The following MED13 variants were observed in gnomAD, a reference collection of about 807,000 sequenced individuals.
MED13 encodes the protein mediator of RNA polymerase II transcription subunit 13.
Under a neutral mutation model 225.2 loss-of-function variants are expected in MED13, and 23 were observed. The observed-to-expected ratio is 0.10, with a 90% CI of 0.07 to 0.14. The LOEUF is 0.14. MED13 is among the 10% of genes least tolerant of loss of function. The pLI is 1.00. For missense variants in MED13, 2,197 were observed against 2,594.5 expected, an observed-to-expected ratio of 0.85 and a Z score of 3.33; for synonymous variants, 942 against 889.2, an observed-to-expected ratio of 1.06 and a Z score of -1.06.
intron 3 of MED13, among the ~76,000 whole-genome samples, chr17:62,050,026 G>GT (rs1379387592): frequency 6.7e-6 from 1 of 150,306 alleles, no homozygotes; most frequent in Non-Finnish European, 1.5e-5. Context: ...AACAAATATT[G>GT]TTTTTACCAA....
At chr17:61,948,428 T>C (rs1303149680) in intron 28 of MED13, among the ~76,000 whole-genome samples, 4 of 152,180 alleles carry the variant, frequency 2.6e-5, no homozygotes, top group African/African-American at 7.2e-5. Flanking sequence ...AACACTAAGA[T>C]AATAAACTAT....
At chr17:61,984,566 TA>T in intron 14 of MED13, 84 bp downstream of exon 14, 1 of 1,255,114 alleles carries the variant, frequency 8.0e-7, no homozygotes, top group Non-Finnish European at 1.1e-6. Context: ...GCAACCACTA[TA>T]AAATAATTTT....
At chr17:61,992,445 A>G in intron 11 of MED13, 95 bp downstream of exon 11, 1 of 715,458 alleles carries the variant, frequency 1.4e-6, no homozygotes, top group Non-Finnish European at 2.4e-6. Flanking sequence ...ATAATGAATT[A>G]TACAAAAAGG....
chr17:62,038,253 G>C (rs983375100), intron 3 of MED13, among the ~76,000 whole-genome samples: 3 of 151,970 alleles, frequency 2.0e-5, no homozygotes, highest in African/African-American at 7.2e-5. Flanking sequence ...AATTAGCTAG[G>C]TGGGGTGTGG....
chr17:62,041,593 T>C (rs1243588952), intron 3 of MED13, among the ~76,000 whole-genome samples: 3 of 152,146 alleles, frequency 2.0e-5, no homozygotes, highest in Non-Finnish European at 4.4e-5. Context: ...TTTTTTTCCT[T>C]TGAGACAGGG....
chr17:62,023,136 G>T (rs948737950), intron 8 of MED13, among the ~76,000 whole-genome samples: 1 of 151,996 alleles, frequency 6.6e-6, no homozygotes, highest in Non-Finnish European at 1.5e-5. Context: ...ATGGTCAAGG[G>T]GAACTTAGGC....
intron 22 of MED13, 140 bp from the exon 23 acceptor site, chr17:61,961,230 A>G: frequency 1.3e-6 from 1 of 796,518 alleles, no homozygotes; most frequent in East Asian, 2.7e-5. Context: ...AGTTTTGCAT[A>G]GTATCATAAA....
intron 16 of MED13, among the ~76,000 whole-genome samples, chr17:61,974,494 CCCCAGGACA>C (rs2080136635): frequency 6.6e-6 from 1 of 151,836 alleles, no homozygotes; most frequent in Non-Finnish European, 1.5e-5. Flanking sequence ...GTATGCTGAC[CCCCAGGACA>C]CAAGTTTACC....
In MED13 at chr17:61,955,559, A is replaced by C; in HGVS notation, c.5791T>G (p.Ser1931Ala). 1 of 1,558,698 alleles carries C rather than the reference A, an allele frequency of 6.4e-7. No homozygotes were observed. The highest frequency in any genetic ancestry group is 8.6e-7 in the Non-Finnish European group (1 of 1,159,508). The change falls in exon 26 of 30, where the codon TCA becomes GCA. Residue 1931 changes from serine to alanine, a missense_variant. Physicochemically the swap from Ser to Ala is moderately conservative, Grantham distance 99. Transcript: ENST00000397786. ...GSFVIMPDSV[S>A]TGSVFGRSTT... ...CTTCTTCCAAATACAGAACCAGTTG[A>C]CACAGAATCTGAAAATGAAAGACAT...
At chr17:61,997,262 A>G (rs1239396127) in intron 9 of MED13, among the ~76,000 whole-genome samples, 2 of 152,220 alleles carry the variant, frequency 1.3e-5, no homozygotes, top group African/African-American at 4.8e-5. Context: ...GCTCAAATAC[A>G]TATCATTATT....
intron 3 of MED13, among the ~76,000 whole-genome samples, chr17:62,040,515 C>T (rs2080844227): frequency 6.6e-6 from 1 of 152,136 alleles, no homozygotes; most frequent in Non-Finnish European, 1.5e-5. Flanking sequence ...AGCAACAATT[C>T]CATATGTATG....
At position 61,966,029 on chromosome 17, in the gene MED13, C is replaced by G. The variant is rs138266310; in HGVS notation, c.4381+433G>C. The stretch of plus-strand genomic sequence containing the variant: ...TGAAAGAAAAAAAGTATGTAACAAG[C>G]AAGTCTTAAACAGCTGTCGTTTTCT... On this transcript the variant is annotated intron_variant, in intron 19 of 29. Coordinates refer to ENST00000397786, the MANE Select transcript of MED13 (RefSeq NM_005121.3). Among the ~76,000 whole-genome samples the G allele has an allele frequency of 3.7e-4, 57 of 152,156 alleles. 3 individuals are homozygous for G. The East Asian group carries it at 0.011, about 29-fold the overall frequency.
intron 3 of MED13, among the ~76,000 whole-genome samples, chr17:62,040,342 A>G (rs914900679): frequency 6.6e-6 from 1 of 152,204 alleles, no homozygotes; most frequent in Non-Finnish European, 1.5e-5. Context: ...ACAATATCTA[A>G]AACAAAAAGT....
rs1318851329 is a variant in MED13, at chr17:61,944,863, T to C, written c.*1605A>G. 6.6e-6 allele frequency: 1 copy of C among 152,598 alleles called. No homozygotes were observed. 9.5% of individuals were successfully genotyped at this position (152,598 alleles called of 1,614,324 possible). On this transcript the variant is annotated 3_prime_UTR_variant, in exon 30 of 30. Coordinates refer to ENST00000397786, the MANE Select transcript of MED13 (RefSeq NM_005121.3). ...GGTAGGAGGCGAACTTGGGCTCTTTTGTGAGCAGCACTGTAGAAAGGATTT... is the reference window on the plus strand; with the variant it reads ...GGTAGGAGGCGAACTTGGGCTCTTTCGTGAGCAGCACTGTAGAAAGGATTT...
chr17:61,970,452 A>AGGTG (rs1245454471), intron 17 of MED13, among the ~76,000 whole-genome samples: 1 of 152,058 alleles, frequency 6.6e-6, no homozygotes, highest in Non-Finnish European at 1.5e-5. Flanking sequence ...AGGCCTAGGT[A>AGGTG]GGTGGATCAC....
Position 61,982,792 on chromosome 17 carries a change from G to C in MED13, c.3211C>G (p.Leu1071Val), listed in dbSNP as rs747938117. The C allele has an allele frequency of 6.8e-6, 11 of 1,614,060 alleles. No homozygotes were observed. Among genetic ancestry groups the C allele is most frequent in the African/African-American group, 1.3e-5 (1 of 74,922 alleles). ...TCTGAAAGGATGAGGTTTACATAAAGACTGTGTGCTTCAGGGATGGAAGGG... is the reference window on the plus strand; with the variant it reads ...TCTGAAAGGATGAGGTTTACATAAACACTGTGTGCTTCAGGGATGGAAGGG... ...TVPSIPEAHS[L>V]YVNLILSESV... The change falls in exon 16 of 30, where the codon CTT becomes GTT. Residue 1071 changes from leucine (L) to valine (V), a missense_variant. Physicochemically the swap from Leu to Val is conservative, Grantham distance 32. Around this residue, in one of 12 missense-constraint regions of MED13, gnomAD observed 99 missense variants for 158.5 expected, o/e 0.62. Transcript: ENST00000397786.
intron 26 of MED13, among the ~76,000 whole-genome samples, chr17:61,954,291 T>TAA (rs2079922442): frequency 6.6e-6 from 1 of 152,210 alleles, no homozygotes; most frequent in Non-Finnish European, 1.5e-5. Flanking sequence ...TCTTCTTTAT[T>TAA]TTCTCTTCTA....
intron 9 of MED13, among the ~76,000 whole-genome samples, chr17:62,001,686 A>T (rs1298395780): frequency 6.6e-6 from 1 of 152,184 alleles, no homozygotes; most frequent in Non-Finnish European, 1.5e-5. Flanking sequence ...GAGCTTCATA[A>T]ATGGAATTAA....
In MED13 at chr17:61,950,847, T is replaced by C; in HGVS notation, c.6269A>G (p.Tyr2090Cys). 9 of 1,612,836 alleles carry C rather than the reference T, an allele frequency of 5.6e-6. No homozygotes were observed. The highest frequency in any genetic ancestry group is 7.6e-6 in the Non-Finnish European group (9 of 1,179,432). Reference protein sequence around the residue: ...WFWSACPQAQYQCPLFLKASL... With the variant: ...WFWSACPQAQCQCPLFLKASL... ...TACCTTAAGAAAAAGGGGACACTGA[T>C]ATTGTGCTTGAGGACATGCTGACCA... Residue 2090 changes from tyrosine to cysteine, a missense_variant, in exon 28 of 30, where the codon TAT becomes TGT. Tyr to Cys is a radical substitution (Grantham distance 194). Around this residue, in one of 12 missense-constraint regions of MED13, gnomAD observed 216 missense variants for 388.9 expected, o/e 0.56. Transcript: ENST00000397786.
Sources: gnomAD v4.1 joint callset for allele counts (sites outside exome capture counted in the v4.1 genomes callset) on GRCh38, gnomAD v4.1.1 for gene constraint, gnomAD v4.1.1 regional missense constraint, MANE v1.5 for transcripts, NCBI Gene and HGNC (gene_info 2026-07-23, HGNC 2026-07-21) for gene names.